The following CDH18 variants were observed in gnomAD, a reference collection of about 807,000 sequenced individuals.
CDH18 encodes cadherin-18.
In CDH18, 31 loss-of-function variants were observed where a neutral mutation model predicts 67.9. The observed-to-expected ratio is 0.46, with a 90% CI of 0.34 to 0.62. The LOEUF is 0.62. Among genes scored for constraint, CDH18 ranks in the 20% least tolerant of loss-of-function variants. The pLI is 0.01. For missense variants in CDH18, 890 were observed against 975.5 expected (o/e 0.91, Z 1.17); for synonymous variants, 362 against 347.2 (o/e 1.04, Z -0.48).
intron 1 of CDH18, among the ~76,000 whole-genome samples, chr5:20,322,142 A>G (rs1343669055): frequency 6.6e-6 from 1 of 152,136 alleles, no homozygotes; most frequent in African/African-American, 2.4e-5. Context: ...TCATCTTCCT[A>G]CTGTAAACCT....
intron 2 of CDH18, among the ~76,000 whole-genome samples, chr5:20,169,703 T>C (rs1310872689): frequency 6.6e-6 from 1 of 152,170 alleles, no homozygotes. Context: ...TTATTAAACA[T>C]TATACAAGTC....
At chr5:20,394,415 C>T (rs74834859) in intron 1 of CDH18, among the ~76,000 whole-genome samples, 392 of 152,090 alleles carry the variant, frequency 2.6e-3, no homozygotes, top group Non-Finnish European at 4.2e-3. Context: ...CTATCTCTTA[C>T]CATATATACA....
intron 2 of CDH18, among the ~76,000 whole-genome samples, chr5:20,037,738 A>G (rs1313460407): frequency 6.6e-6 from 1 of 152,152 alleles, no homozygotes; most frequent in East Asian, 1.9e-4. Context: ...CCAAATGCCA[A>G]CAGGAGAAAG....
intron 2 of CDH18, among the ~76,000 whole-genome samples, chr5:20,237,959 A>T (rs1226002251): frequency 6.6e-6 from 1 of 152,054 alleles, no homozygotes; most frequent in Non-Finnish European, 1.5e-5. Flanking sequence ...ACATAAACAC[A>T]AATAGATCAA....
At chr5:20,381,930 ATAAT>A (rs1477217509) in intron 1 of CDH18, among the ~76,000 whole-genome samples, 1 of 152,114 alleles carries the variant, frequency 6.6e-6, no homozygotes, top group Non-Finnish European at 1.5e-5. Context: ...TATAAATATA[ATAAT>A]TAAAAATGAA....
intron 3 of CDH18, among the ~76,000 whole-genome samples, chr5:19,816,684 A>G (rs1394229922): frequency 6.6e-6 from 1 of 151,814 alleles, no homozygotes. Flanking sequence ...TCTAGTCCCT[A>G]ACATAAGCAA....
intron 2 of CDH18, among the ~76,000 whole-genome samples, chr5:19,994,736 TATAGAGAGAGAG>T (rs1290439198): frequency 4.7e-3 from 42 of 8,936 alleles, no homozygotes; most frequent in South Asian, 0.014. Flanking sequence ...TATATATATA[TATAGAGAGAGAG>T]AGAGAGAGAG....
intron 2 of CDH18, among the ~76,000 whole-genome samples, chr5:20,133,882 G>A (rs1414801654): frequency 2.0e-5 from 3 of 152,012 alleles, no homozygotes; most frequent in Non-Finnish European, 2.9e-5. Flanking sequence ...ATTATCATTC[G>A]AAAAATTTAT....
intron 1 of CDH18, among the ~76,000 whole-genome samples, chr5:20,434,566 T>TA (rs534838272): frequency 1.6e-3 from 236 of 151,810 alleles, no homozygotes; most frequent in Non-Finnish European, 2.8e-3. Flanking sequence ...ATAGAAGATT[T>TA]AAAAAAAATA....
intron 2 of CDH18, among the ~76,000 whole-genome samples, chr5:20,121,646 A>G (rs1448447683): frequency 6.6e-6 from 1 of 152,152 alleles, no homozygotes; most frequent in Non-Finnish European, 1.5e-5. Flanking sequence ...ATGAAAAGCT[A>G]TAGTTTTCTC....
intron 5 of CDH18, among the ~76,000 whole-genome samples, chr5:19,665,811 T>C (rs763946598): frequency 2.0e-5 from 3 of 152,076 alleles, no homozygotes; most frequent in Admixed American, 6.6e-5. Flanking sequence ...GTGGTGAAAG[T>C]TTAAGAACAT....
intron 1 of CDH18, among the ~76,000 whole-genome samples, chr5:20,387,475 G>A (rs1032244633): frequency 5.3e-5 from 8 of 152,070 alleles, no homozygotes; most frequent in Non-Finnish European, 4.4e-5. Flanking sequence ...GGGCTGAGAC[G>A]ATGGGGTTTT....
At chr5:19,937,097 G>A (rs1296647342) in intron 2 of CDH18, among the ~76,000 whole-genome samples, 1 of 151,220 alleles carries the variant, frequency 6.6e-6, no homozygotes, top group Non-Finnish European at 1.5e-5. Context: ...AATTTTATTA[G>A]TTTAAAACAT....
At chr5:19,868,013 A>G (rs542904711) in intron 2 of CDH18, among the ~76,000 whole-genome samples, 1 of 152,166 alleles carries the variant, frequency 6.6e-6, no homozygotes, top group Non-Finnish European at 1.5e-5. Flanking sequence ...CTGCCATCAC[A>G]TGAAGAAGGA....
chr5:19,813,184 A>C (rs868656212), intron 3 of CDH18, among the ~76,000 whole-genome samples: 4 of 152,076 alleles, frequency 2.6e-5, no homozygotes, highest in South Asian at 2.1e-4. Flanking sequence ...AGAAATATCT[A>C]ATGTAGATGA....
At chr5:19,957,845 T>C (rs904590239) in intron 2 of CDH18, among the ~76,000 whole-genome samples, 25 of 151,758 alleles carry the variant, frequency 1.6e-4, no homozygotes, top group Non-Finnish European at 3.4e-4. Flanking sequence ...AAATAACATA[T>C]ATGTTTTTAC....
rs1473168331 is a variant in CDH18, at chr5:19,811,152, AAGAAAGAAGGAG to A, written c.228+27595_228+27606del. Among the ~76,000 whole-genome samples, 122 of 37,486 alleles carry A rather than the reference AAGAAAGAAGGAG, an allele frequency of 3.3e-3. 8 individuals carry two copies. The highest frequency in any genetic ancestry group is 0.013 in the African/African-American group (103 of 7,824). The allele number at this position is 37,486 out of a possible 152,430, so 24.6% of individuals were successfully genotyped here. ...AAAGAAAGAAAGAAAGAAAGAAAGA[AAGAAAGAAGGAG>A]AGAAAGAAAGAGAAGAAAGAGGGAG... On this transcript the variant is annotated intron_variant, in intron 3 of 12. Transcript: ENST00000382275.
chr5:19,774,732 G>A (rs1326138616), intron 3 of CDH18, among the ~76,000 whole-genome samples: 1 of 138,950 alleles, frequency 7.2e-6, no homozygotes, highest in Non-Finnish European at 1.5e-5. Flanking sequence ...TGAGACAGGA[G>A]AATTGAAGTG....
intron 9 of CDH18, among the ~76,000 whole-genome samples, chr5:19,542,022 C>T (rs1157252887): frequency 6.6e-6 from 1 of 152,148 alleles, no homozygotes; most frequent in East Asian, 1.9e-4. Context: ...ATTGAACTCA[C>T]TCATGGATTC....
Sources: gnomAD v4.1 joint callset for allele counts (sites outside exome capture counted in the v4.1 genomes callset) on GRCh38, gnomAD v4.1.1 for gene constraint, MANE v1.5 for transcripts, NCBI Gene and HGNC (gene_info 2026-07-23, HGNC 2026-07-21) for gene names.